Variants in CACNA2D1 observed in about 807,000 individuals in gnomAD.
CACNA2D1 encodes the protein calcium voltage-gated channel auxiliary subunit alpha2delta 1.
CACNA2D1 carries 53 observed loss-of-function variants against 171.5 expected under a neutral mutation model. The ratio of observed to expected loss-of-function variants is 0.31; its 90% CI spans 0.25 to 0.39. The LOEUF (loss-of-function observed/expected upper bound fraction) is 0.39. Among genes scored for constraint, CACNA2D1 ranks in the 10% least tolerant of loss-of-function variants. The pLI is 1.00. For synonymous variants in CACNA2D1, 442 were observed against 443.1 expected (o/e 1.00, Z 0.03); for missense variants, 903 against 1,299.8 (o/e 0.69, Z 4.69).
chr7:82,309,512 C>G (rs1160690696), intron 3 of CACNA2D1, among the ~76,000 whole-genome samples: 1 of 152,004 alleles, frequency 6.6e-6, no homozygotes, highest in Non-Finnish European at 1.5e-5. Flanking sequence ...TTTAAGGTGT[C>G]TGAGCTACAA....
chr7:82,373,770 G>A (rs1283022464), intron 1 of CACNA2D1, among the ~76,000 whole-genome samples: 1 of 152,140 alleles, frequency 6.6e-6, no homozygotes, highest in African/African-American at 2.4e-5. Context: ...GTTTTCAAGG[G>A]TTGAATGTAT....
chr7:82,039,178 G>A (rs982435018), intron 10 of CACNA2D1, among the ~76,000 whole-genome samples: 1 of 152,106 alleles, frequency 6.6e-6, no homozygotes. Context: ...AAATGTTAAA[G>A]ATATTTTCAC....
chr7:82,210,921 G>A (rs1389514278), intron 3 of CACNA2D1, among the ~76,000 whole-genome samples: 1 of 152,170 alleles, frequency 6.6e-6, no homozygotes, highest in East Asian at 1.9e-4. Context: ...GACTAGAACA[G>A]TAATAATATA....
chr7:82,338,216 C>A (rs1818224981), intron 2 of CACNA2D1, among the ~76,000 whole-genome samples: 1 of 151,980 alleles, frequency 6.6e-6, no homozygotes, highest in Admixed American at 6.6e-5. Flanking sequence ...AATTGCTTAA[C>A]AAAATTCCTA....
chr7:82,091,909 CTAAGGA>C (rs1057163635), intron 6 of CACNA2D1, among the ~76,000 whole-genome samples: 2 of 152,132 alleles, frequency 1.3e-5, no homozygotes, highest in African/African-American at 4.8e-5. Flanking sequence ...TATAGCTATA[CTAAGGA>C]TCCTAGACAG....
At position 82,391,818 on chromosome 7, in the gene CACNA2D1, C is replaced by G. The variant is rs141186280; in HGVS notation, c.96-42169G>C. On this transcript the variant is annotated intron_variant, in intron 1 of 38. Coordinates refer to ENST00000356860, the MANE Select transcript of CACNA2D1 (RefSeq NM_000722.4). ...GTAGCAAGAATGCAAAATGCTTCTT[C>G]TAGAAAAGTTGTTTATTGAACCATT... Among the ~76,000 whole-genome samples, 1,425 of 152,318 alleles carry G rather than the reference C, an allele frequency of 9.4e-3. 48 individuals are homozygous for G. The highest frequency in any genetic ancestry group is 0.063 in the Admixed American group (959 of 15,298).
chr7:82,223,920 C>T lies in CACNA2D1; in HGVS notation c.295-53311G>A, dbSNP rs182906005. Among the ~76,000 whole-genome samples, 464 of 152,270 alleles carry T rather than the reference C, an allele frequency of 3.0e-3. 6 individuals are homozygous for T. The highest frequency in any genetic ancestry group is 0.011 in the South Asian group (54 of 4,820). ...ACCCCACTCCAATTTCATCTCCTGA[C>T]GTGACATTCCTACTACTACATCACC... is the stretch of plus-strand genomic sequence containing the variant. On this transcript the variant is annotated intron_variant, in intron 3 of 38. Transcript: ENST00000356860.
intron 3 of CACNA2D1, among the ~76,000 whole-genome samples, chr7:82,224,266 T>C (rs150420747): frequency 1.3e-5 from 2 of 152,314 alleles, no homozygotes; most frequent in African/African-American, 2.4e-5. Context: ...GAAAACATTT[T>C]TCTTTATCAG....
chr7:82,132,439 G>T (rs1461505892), intron 5 of CACNA2D1, among the ~76,000 whole-genome samples: 1 of 152,166 alleles, frequency 6.6e-6, no homozygotes, highest in African/African-American at 2.4e-5. Context: ...ATATCCTCTT[G>T]CAACAAGGCA....
At chr7:82,114,087 AAT>A (rs1418023885) in intron 6 of CACNA2D1, among the ~76,000 whole-genome samples, 2 of 152,218 alleles carry the variant, frequency 1.3e-5, no homozygotes, top group Non-Finnish European at 2.9e-5. Flanking sequence ...GCTATTTACA[AAT>A]AGTTTATTTT....
chr7:82,014,615 A>G (rs1800200300), intron 12 of CACNA2D1, 136 bp from the exon 13 acceptor site: 1 of 660,130 alleles, frequency 1.5e-6, no homozygotes, highest in Non-Finnish European at 2.7e-6. Flanking sequence ...AGGCCAGTAA[A>G]GCCTTCAGAA....
At chr7:82,389,617 G>C (rs77330171) in intron 1 of CACNA2D1, among the ~76,000 whole-genome samples, 2 of 152,228 alleles carry the variant, frequency 1.3e-5, no homozygotes, top group Admixed American at 1.3e-4. Flanking sequence ...CCACTTAGCT[G>C]ATGTACAGAT....
At chr7:81,959,202 T>C (rs1322657444) in intron 38 of CACNA2D1, 73 bp downstream of exon 38, 2 of 1,088,334 alleles carry the variant, frequency 1.8e-6, no homozygotes, top group Admixed American at 1.7e-5. Flanking sequence ...AAATTGCAAT[T>C]TGTATCCTTG....
At chr7:82,000,478 A>T (rs1256383426) in intron 18 of CACNA2D1, among the ~76,000 whole-genome samples, 1 of 152,168 alleles carries the variant, frequency 6.6e-6, no homozygotes, top group Non-Finnish European at 1.5e-5. Flanking sequence ...GATTTAGTGG[A>T]GTGCTCAAGA....
At chr7:81,968,628 A>G (rs1181337753) in intron 29 of CACNA2D1, among the ~76,000 whole-genome samples, 4 of 151,338 alleles carry the variant, frequency 2.6e-5, no homozygotes, top group South Asian at 2.1e-4. Flanking sequence ...ATTATACTAA[A>G]TTGATTCCAT....
In CACNA2D1 at chr7:82,064,351, G is replaced by T; in HGVS notation, c.732C>A (p.Tyr244Ter). The T allele has an allele frequency of 6.2e-7, 1 of 1,601,282 alleles. No individual in the cohort carries two copies. Among genetic ancestry groups the T allele is most frequent in the Non-Finnish European group, 8.6e-7 (1 of 1,169,254 alleles). ...DLYDVRRRPW[Y>*]IQGAASPKDM... ...CTTTAGGAGATGCAGCTCCTTGGAT[G>T]TACCTGAAACAAATATTGTAATAAA... The change falls in exon 9 of 39, where the codon TAC becomes TAA. Residue 244 changes from tyrosine (Y) to a stop codon, truncating the protein, a stop_gained. Coordinates refer to ENST00000356860, the MANE Select transcript of CACNA2D1 (RefSeq NM_000722.4). LOFTEE classifies it high-confidence loss of function.
intron 12 of CACNA2D1, among the ~76,000 whole-genome samples, chr7:82,024,090 C>A (rs1436106407): frequency 6.6e-6 from 1 of 151,422 alleles, no homozygotes; most frequent in East Asian, 1.9e-4. Flanking sequence ...CACATCTAGG[C>A]TATTTTGAAT....
chr7:82,264,418 A>G (rs1477932655), intron 3 of CACNA2D1, among the ~76,000 whole-genome samples: 2 of 136,006 alleles, frequency 1.5e-5, no homozygotes, highest in Non-Finnish European at 3.4e-5. Context: ...AATGGTCACA[A>G]TGTTTTATAT....
rs11773027 is a variant in CACNA2D1, at chr7:82,394,496, C to G, written c.96-44847G>C. On this transcript the variant is annotated intron_variant, in intron 1 of 38. Coordinates refer to ENST00000356860, the MANE Select transcript of CACNA2D1 (RefSeq NM_000722.4). ...ACAGACAGATGGAGATGGATAGATA[C>G]AGCCAGGTTATCAACAGCCAAGAGC... is the stretch of plus-strand genomic sequence containing the variant. 1.1e-4 allele frequency among the ~76,000 whole-genome samples: 17 copies of G among 152,256 alleles called. No homozygotes were observed. In the East Asian group the frequency reaches 3.1e-3, roughly 28 times the overall value.
Sources: gnomAD v4.1 joint callset for allele counts (sites outside exome capture counted in the v4.1 genomes callset) on GRCh38, gnomAD v4.1.1 for gene constraint, MANE v1.5 for transcripts, NCBI Gene and HGNC (gene_info 2026-07-23, HGNC 2026-07-21) for gene names.